Variants in ANKS1B observed in about 807,000 individuals in gnomAD.
ANKS1B encodes the protein ankyrin repeat and sterile alpha motif domain containing 1B.
Under a neutral mutation model 148.3 loss-of-function variants are expected in ANKS1B, and 36 were observed. The ratio of observed to expected loss-of-function variants is 0.24; its 90% CI spans 0.19 to 0.32. The LOEUF is 0.32. Ranked by LOEUF, ANKS1B falls within the 10% of genes least tolerant of loss-of-function variation. ANKS1B has a pLI of 1.00. For synonymous variants in ANKS1B, 542 were observed against 560.8 expected (o/e 0.97, Z 0.47); for missense variants, 1,157 against 1,542.6 (o/e 0.75, Z 4.19).
chr12:99,721,236 G>A (rs567388666), intron 8 of ANKS1B, among the ~76,000 whole-genome samples: 18 of 152,086 alleles, frequency 1.2e-4, no homozygotes, highest in African/African-American at 3.1e-4. Context: ...AACATCGCCC[G>A]TTATCTCTCC....
chr12:99,929,966 G>C (rs1246859283), intron 1 of ANKS1B, among the ~76,000 whole-genome samples: 1 of 152,150 alleles, frequency 6.6e-6, no homozygotes, highest in African/African-American at 2.4e-5. Context: ...GCTTAGGATT[G>C]ACTTGGCAAT....
At chr12:99,171,465 G>A (rs912201201) in intron 14 of ANKS1B, among the ~76,000 whole-genome samples, 13 of 152,300 alleles carry the variant, frequency 8.5e-5, no homozygotes, top group South Asian at 6.2e-4. Context: ...TCATAACGCC[G>A]AGATTTAAAT....
chr12:99,391,442 C>T (rs941836097), intron 12 of ANKS1B, among the ~76,000 whole-genome samples: 4 of 152,136 alleles, frequency 2.6e-5, no homozygotes, highest in African/African-American at 4.8e-5. Context: ...TTTAAATATG[C>T]TATTCCTTCT....
At chr12:99,430,040 T>C (rs2095341207) in intron 11 of ANKS1B, among the ~76,000 whole-genome samples, 1 of 144,902 alleles carries the variant, frequency 6.9e-6, no homozygotes, top group African/African-American at 2.6e-5. Flanking sequence ...TACTCACAAA[T>C]AGTTCCAGGA....
intron 1 of ANKS1B, among the ~76,000 whole-genome samples, chr12:99,828,802 G>A (rs948183792): frequency 6.6e-6 from 1 of 151,758 alleles, no homozygotes; most frequent in African/African-American, 2.4e-5. Flanking sequence ...GGTCAACATA[G>A]TGAAACTCCA....
At chr12:98,925,903 A>T (rs2099807481) in intron 17 of ANKS1B, among the ~76,000 whole-genome samples, 1 of 152,204 alleles carries the variant, frequency 6.6e-6, no homozygotes, top group South Asian at 2.1e-4. Context: ...TGAAATAATC[A>T]GCAAAAAAGC....
chr12:98,944,929 T>C (rs1022512941), intron 17 of ANKS1B, among the ~76,000 whole-genome samples: 6 of 152,236 alleles, frequency 3.9e-5, no homozygotes, highest in Admixed American at 2.6e-4. Flanking sequence ...ATATAAATTA[T>C]GTCTAAACCC....
chr12:99,622,448 C>T (rs911229251), intron 9 of ANKS1B, among the ~76,000 whole-genome samples: 12 of 151,312 alleles, frequency 7.9e-5, no homozygotes, highest in African/African-American at 2.7e-4. Flanking sequence ...TCAATGAAAC[C>T]AAAAATTGTT....
intron 17 of ANKS1B, among the ~76,000 whole-genome samples, chr12:98,926,786 A>G (rs1597067402): frequency 6.6e-6 from 1 of 152,108 alleles, no homozygotes; most frequent in Non-Finnish European, 1.5e-5. Flanking sequence ...AAGAAAGAAT[A>G]AGCAAACTTG....
intron 9 of ANKS1B, among the ~76,000 whole-genome samples, chr12:99,627,658 G>T (rs2098122890): frequency 6.6e-6 from 1 of 152,162 alleles, no homozygotes; most frequent in Non-Finnish European, 1.5e-5. Flanking sequence ...AGGGCCTGCG[G>T]CATGCAATGC....
At chr12:99,928,272 T>TTA (rs1555250580) in intron 1 of ANKS1B, among the ~76,000 whole-genome samples, 2 of 91,656 alleles carry the variant, frequency 2.2e-5, no homozygotes, top group African/African-American at 9.4e-5. Flanking sequence ...TTTTATTTTA[T>TTA]TTTTTTTTTT....
At chr12:99,087,022 G>A (rs921829851) in intron 15 of ANKS1B, among the ~76,000 whole-genome samples, 3 of 152,174 alleles carry the variant, frequency 2.0e-5, no homozygotes, top group Admixed American at 2.0e-4. Context: ...GAAGCAGGTG[G>A]ATTTGCAAAC....
intron 17 of ANKS1B, among the ~76,000 whole-genome samples, chr12:98,844,410 G>A (rs936154708): frequency 5.9e-5 from 9 of 152,144 alleles, no homozygotes; most frequent in African/African-American, 1.2e-4. Context: ...AACCCCACCA[G>A]AAGGAGCTCA....
chr12:98,988,889 T>C (rs1035870384), intron 17 of ANKS1B, among the ~76,000 whole-genome samples: 3 of 152,204 alleles, frequency 2.0e-5, no homozygotes, highest in Admixed American at 1.3e-4. Context: ...CTTGGCCATT[T>C]TGTATATGTT....
chr12:99,138,974 CT>C lies in ANKS1B; in HGVS notation c.2526+15314del, dbSNP rs2069129321. Among the ~76,000 whole-genome samples, 8 of 150,906 alleles carry C rather than the reference CT, an allele frequency of 5.3e-5. No individual in the cohort carries two copies. The South Asian group carries it at 1.7e-3, about 32-fold the overall frequency. On this transcript the variant is annotated intron_variant, in intron 15 of 26. Coordinates refer to ENST00000683438, the MANE Select transcript of ANKS1B (RefSeq NM_001352186.2). ...TTCTCTCTCTTTTTTCTTTTTCTCT[CT>C]GTCTCCCTCCCTCCCTCCCTCAACC...
chr12:99,451,294 A>G (rs2095731531), intron 10 of ANKS1B, among the ~76,000 whole-genome samples: 1 of 152,190 alleles, frequency 6.6e-6, no homozygotes, highest in Non-Finnish European at 1.5e-5. Context: ...ATGACTATAA[A>G]ATAATTCATG....
intron 12 of ANKS1B, among the ~76,000 whole-genome samples, chr12:99,293,803 T>A (rs1216038595): frequency 1.3e-5 from 2 of 151,278 alleles, no homozygotes; most frequent in African/African-American, 2.4e-5. Flanking sequence ...CCAAAATATA[T>A]AAGGAGCTCA....
intron 8 of ANKS1B, 122 bp from the exon 9 acceptor site, chr12:99,655,332 C>CATGTA: frequency 3.5e-6 from 3 of 857,586 alleles, no homozygotes; most frequent in Non-Finnish European, 5.2e-6. Flanking sequence ...CACTTTTAGC[C>CATGTA]ACAGTTACAT....
intron 17 of ANKS1B, among the ~76,000 whole-genome samples, chr12:98,844,290 A>G (rs1367312732): frequency 6.6e-6 from 1 of 152,242 alleles, no homozygotes; most frequent in Non-Finnish European, 1.5e-5. Context: ...GACATATGCA[A>G]TGCATTTAGC....
Sources: gnomAD v4.1 joint callset for allele counts (sites outside exome capture counted in the v4.1 genomes callset) on GRCh38, gnomAD v4.1.1 for gene constraint, MANE v1.5 for transcripts, NCBI Gene and HGNC (gene_info 2026-07-23, HGNC 2026-07-21) for gene names.